Variants in GOLGA5 observed in about 807,000 individuals in gnomAD.
GOLGA5 encodes golgin A5, also known as golgin subfamily A member 5.
GOLGA5 carries 50 observed loss-of-function variants against 93.5 expected under a neutral mutation model. The ratio of observed to expected loss-of-function variants is 0.53; its 90% confidence interval spans 0.43 to 0.68. The LOEUF (loss-of-function observed/expected upper bound fraction) is 0.68, where lower values mean the gene tolerates loss of function less well. Ranked by LOEUF, GOLGA5 falls within the 30% of genes least tolerant of loss-of-function variation. The probability of loss-of-function intolerance (pLI) is 0.00; values close to 1 mark genes in which losing one functional copy is unlikely to be tolerated. For synonymous variants in GOLGA5, 312 were observed against 304.5 expected, an observed-to-expected ratio of 1.02 and a Z score of -0.26; for missense variants, 760 against 856.4, an observed-to-expected ratio of 0.89 and a Z score of 1.40.
chr14:92,798,611 C>T (rs1884791046), intron 2 of GOLGA5, among the ~76,000 whole-genome samples: 1 of 152,234 alleles, frequency 6.6e-6, no homozygotes, highest in African/African-American at 2.4e-5. Context: ...CAAGTACCTA[C>T]TAACTGTTTT....
intron 1 of GOLGA5, among the ~76,000 whole-genome samples, chr14:92,797,057 TAGTA>T (rs1439040930): frequency 6.8e-6 from 1 of 146,526 alleles, no homozygotes; most frequent in Non-Finnish European, 1.5e-5. Context: ...TACTTTGAAA[TAGTA>T]ATAATAAATA....
chr14:92,827,686 T>C (rs1295970505), intron 9 of GOLGA5, among the ~76,000 whole-genome samples: 1 of 152,206 alleles, frequency 6.6e-6, no homozygotes, highest in Non-Finnish European at 1.5e-5. Context: ...AAAGGCAAGA[T>C]AGGCCCAAAA....
Position 92,839,362 on chromosome 14 carries a change from C to T in GOLGA5, c.2116-4C>T, listed in dbSNP as rs370755126. 2 of 1,608,504 alleles carry T rather than the reference C, an allele frequency of 1.2e-6. No individual in the cohort carries two copies. The highest frequency in any genetic ancestry group is 1.7e-5 in the Admixed American group (1 of 59,976). On this transcript the variant is annotated splice_polypyrimidine_tract_variant and splice_region_variant and intron_variant, in intron 12 of 12. Coordinates refer to ENST00000163416, the MANE Select transcript of GOLGA5 (RefSeq NM_005113.4). ...AATCCACAAATTGCTTTTTCTTTCT[C>T]TAGGCTTTGCTTCACCTCTGGGTCA... is the stretch of plus-strand genomic sequence containing the variant.
At chr14:92,830,489 A>T (rs530037313) in intron 9 of GOLGA5, among the ~76,000 whole-genome samples, 1 of 152,118 alleles carries the variant, frequency 6.6e-6, no homozygotes, top group African/African-American at 2.4e-5. Context: ...AGTGTGGCCC[A>T]GAAAAGCCAA....
chr14:92,798,791 C>G (rs1595588513), intron 2 of GOLGA5, among the ~76,000 whole-genome samples: 1 of 152,138 alleles, frequency 6.6e-6, no homozygotes, highest in Non-Finnish European at 1.5e-5. Context: ...TGGTGCATGC[C>G]TGTAGTCTCA....
intron 3 of GOLGA5, among the ~76,000 whole-genome samples, chr14:92,807,301 C>G (rs1885009554): frequency 8.1e-6 from 1 of 124,034 alleles, no homozygotes. Context: ...GACTCTATCT[C>G]AAAAATAAAT....
In GOLGA5 at chr14:92,839,478, C is replaced by G. The variant is rs1885714599; in HGVS notation, c.*32C>G. The G allele has an allele frequency of 6.8e-7, 1 of 1,463,678 alleles. No homozygotes were observed. Among genetic ancestry groups the G allele is most frequent in the African/African-American group, 1.4e-5 (1 of 72,280 alleles). The allele number at this position is 1,463,678 out of a possible 1,614,324, so 90.7% of individuals were successfully genotyped here. On this transcript the variant is annotated 3_prime_UTR_variant, in exon 13 of 13. Coordinates refer to ENST00000163416, the MANE Select transcript of GOLGA5 (RefSeq NM_005113.4). ...CCCAGTTGTTGCAGTGATTGGTTGT[C>G]TTTTTCTAGACTTGGGATCTGCAAG...
chr14:92,811,382 A>G lies in GOLGA5; in HGVS notation c.1117-169A>G, dbSNP rs145039880. Reference sequence around the variant, plus strand: ...TGCATTGCCATGTTTGGGAGTTACAACTTTACATTTCCTATACTTTAGCTC... The same window carrying G: ...TGCATTGCCATGTTTGGGAGTTACAGCTTTACATTTCCTATACTTTAGCTC... On this transcript the variant is annotated intron_variant, in intron 5 of 12. Coordinates refer to ENST00000163416, the MANE Select transcript of GOLGA5 (RefSeq NM_005113.4). Among the ~76,000 whole-genome samples the G allele has an allele frequency of 2.6e-3, 399 of 152,290 alleles. 2 individuals are homozygous for G. The highest frequency in any genetic ancestry group is 9.1e-3 in the African/African-American group (378 of 41,552).
intron 2 of GOLGA5, among the ~76,000 whole-genome samples, chr14:92,798,454 C>T (rs553198517): frequency 6.6e-6 from 1 of 152,192 alleles, no homozygotes; most frequent in Non-Finnish European, 1.5e-5. Context: ...AACTTTGATC[C>T]AAGTTGAAGA....
At chr14:92,798,417 T>C (rs957275863) in intron 2 of GOLGA5, among the ~76,000 whole-genome samples, 6 of 152,266 alleles carry the variant, frequency 3.9e-5, no homozygotes, top group Middle Eastern at 3.4e-3. Flanking sequence ...TCCCCCCACA[T>C]CCTCCACAAA....
chr14:92,818,610 C>T (rs948257139), intron 7 of GOLGA5, among the ~76,000 whole-genome samples: 1 of 152,180 alleles, frequency 6.6e-6, no homozygotes, highest in Non-Finnish European at 1.5e-5. Context: ...GCTTTTTCCT[C>T]TAAATCTACA....
rs571410551 is a variant in GOLGA5 at position 92,815,699 on chromosome 14, CTT to C, written c.1321-530_1321-529del. ...TAAATAAACACAAATTTTTTTTAAT[CTT>C]TTTTTTTTTTTTTTTTTTTTTAGAC... On this transcript the variant is annotated intron_variant, in intron 6 of 12. Transcript: ENST00000163416. Among the ~76,000 whole-genome samples the C allele has an allele frequency of 2.5e-3, 232 of 91,238 alleles. 1 individual carries two copies. Among genetic ancestry groups the C allele is most frequent in the Admixed American group, 5.9e-3 (46 of 7,786 alleles). The allele number at this position is 91,238 out of a possible 152,430, so 59.9% of individuals were successfully genotyped here.
rs758404420 is a variant in GOLGA5 at position 92,797,761 on chromosome 14, C to T, written c.324C>T (p.Ser108=). The T allele has an allele frequency of 6.2e-7, 1 of 1,613,008 alleles. No individual in the cohort carries two copies. Among genetic ancestry groups the T allele is most frequent in the Non-Finnish European group, 8.5e-7 (1 of 1,179,416 alleles). The change falls in exon 2 of 13, where the codon TCC becomes TCT. Residue 108 remains serine (S), a synonymous_variant. Transcript: ENST00000163416. Reference sequence around the variant, plus strand: ...ATGCATCTGTTCCTAGGCCTTCATCCCATTTTGTGCGAAGAAAAAAGTCAG... The same window carrying T: ...ATGCATCTGTTCCTAGGCCTTCATCTCATTTTGTGCGAAGAAAAAAGTCAG... ...VENASVPRPS[S]HFVRRKKSEP...
intron 11 of GOLGA5, among the ~76,000 whole-genome samples, 189 bp from the exon 12 acceptor site, chr14:92,837,197 A>G (rs1042273732): frequency 2.0e-5 from 3 of 152,198 alleles, no homozygotes; most frequent in Non-Finnish European, 2.9e-5. Flanking sequence ...ATTTACCTCT[A>G]TGACATTTTT....
intron 6 of GOLGA5, among the ~76,000 whole-genome samples, chr14:92,812,248 T>C (rs1566955607): frequency 1.3e-5 from 2 of 152,216 alleles, no homozygotes; most frequent in Non-Finnish European, 2.9e-5. Flanking sequence ...GTCCTTTCAT[T>C]TTTTTCTAGG....
intron 9 of GOLGA5, among the ~76,000 whole-genome samples, chr14:92,828,501 C>T (rs775219297): frequency 3.9e-5 from 6 of 152,112 alleles, no homozygotes; most frequent in Non-Finnish European, 7.4e-5. Context: ...CATTCCTGGT[C>T]ACCCAAGAAC....
At chr14:92,814,112 A>G (rs970056916) in intron 6 of GOLGA5, among the ~76,000 whole-genome samples, 34 of 152,150 alleles carry the variant, frequency 2.2e-4, no homozygotes, top group African/African-American at 7.2e-4. Context: ...TGAGGTGACA[A>G]TGTTAGAAAG....
chr14:92,813,943 GA>G (rs1885152073), intron 6 of GOLGA5, among the ~76,000 whole-genome samples: 1 of 152,110 alleles, frequency 6.6e-6, no homozygotes, highest in Admixed American at 6.5e-5. Flanking sequence ...AAGGATGGGG[GA>G]AAAAGGCAAA....
At chr14:92,835,517 AT>A in intron 10 of GOLGA5, 41 bp from the exon 11 acceptor site, 2 of 1,356,860 alleles carry the variant, frequency 1.5e-6, no homozygotes, top group Non-Finnish European at 2.1e-6. Context: ...GTCTTAGTTA[AT>A]TTTTATGTCA....
Sources: gnomAD v4.1 joint callset for allele counts (sites outside exome capture counted in the v4.1 genomes callset) on GRCh38, gnomAD v4.1.1 for gene constraint, MANE v1.5 for transcripts, NCBI Gene and HGNC (gene_info 2026-07-23, HGNC 2026-07-21) for gene names.